Variants in NPAS4 observed in about 807,000 individuals in gnomAD.
NPAS4 encodes neuronal PAS domain-containing protein 4.
In NPAS4, 10 loss-of-function variants were observed where a neutral mutation model predicts 64.0. The ratio of observed to expected loss-of-function variants is 0.16; its 90% CI spans 0.10 to 0.26. The LOEUF (loss-of-function observed/expected upper bound fraction) is 0.26. NPAS4 is among the 10% of genes least tolerant of loss of function. The pLI, the probability that NPAS4 is intolerant of heterozygous loss-of-function variation, is 1.00. For synonymous variants in NPAS4, 441 were observed against 411.7 expected (o/e 1.07, Z -0.86); for missense variants, 886 against 992.6 (o/e 0.89, Z 1.44).
upstream of NPAS4, among the ~76,000 whole-genome samples, chr11:66,416,093 C>T (rs1254541248): frequency 6.6e-6 from 1 of 152,188 alleles, no homozygotes; most frequent in Non-Finnish European, 1.5e-5. Context: ...CAGAGCAAGA[C>T]TGTATATAAA....
chr11:66,411,704 CTCACCATGGT>C, the NPAS4 span, among the ~76,000 whole-genome samples: 1 of 152,226 alleles, frequency 6.6e-6, no homozygotes, highest in Non-Finnish European at 1.5e-5. Flanking sequence ...CTCTCCCCTG[CTCACCATGGT>C]TCACCCAACT....
rs772010254 is a variant in NPAS4, at chr11:66,423,910, G to A, written c.1020G>A (p.Pro340=). 2 of 1,614,056 alleles carry A rather than the reference G, an allele frequency of 1.2e-6. No individual in the cohort carries two copies. Among genetic ancestry groups the A allele is most frequent in the South Asian group, 2.2e-5 (2 of 91,076 alleles). The part of the protein sequence containing the change: ...DTQAAYVLGT[P]TMLPSFPENI... ...AGGCAGCTTATGTCCTGGGCACTCCGACCATGCTGCCCTCATTCCCTGAAA... is the reference window on the plus strand; with the variant it reads ...AGGCAGCTTATGTCCTGGGCACTCCAACCATGCTGCCCTCATTCCCTGAAA... Residue 340 remains proline (P), a synonymous_variant, in exon 7 of 8, where the codon CCG becomes CCA. Transcript: ENST00000311034.
At chr11:66,416,754 C>G (rs1046861136), upstream of NPAS4, 3 of 152,346 alleles carry the variant, frequency 2.0e-5, no homozygotes, top group African/African-American at 7.2e-5. Flanking sequence ...TGTCTCTCCC[C>G]ACTTCCCTTC....
chr11:66,422,063 A>T, intron 1 of NPAS4, 57 bp from the exon 2 acceptor site: 1 of 1,509,408 alleles, frequency 6.6e-7, no homozygotes, highest in Non-Finnish European at 9.1e-7. Context: ...TGCCTTCCTC[A>T]CTTCTTCTCT....
chr11:66,424,235 C>T lies in NPAS4; in HGVS notation c.1345C>T (p.Pro449Ser), dbSNP rs540887345. The T allele has an allele frequency of 3.1e-6, 5 of 1,614,014 alleles. No individual in the cohort carries two copies. Among genetic ancestry groups the T allele is most frequent in the East Asian group, 2.2e-5 (1 of 44,872 alleles). Reference sequence around the variant, plus strand: ...CCATGAGCCCTTCCAGACCCATTTGCCCACCCCATCCAGCACTCTTCAAGA... The same window carrying T: ...CCATGAGCCCTTCCAGACCCATTTGTCCACCCCATCCAGCACTCTTCAAGA... The part of the protein sequence containing the change: ...SLHEPFQTHL[P>S]TPSSTLQEQL... The change falls in exon 7 of 8, where the codon CCC becomes TCC. Residue 449 changes from proline to serine, a missense_variant. By Grantham distance (74) the Pro-to-Ser change is moderately conservative. Around this residue, in one of 3 missense-constraint regions of NPAS4, gnomAD observed 820 missense variants for 855.5 expected, o/e 0.96. Transcript: ENST00000311034.
rs1351819753 is a variant in NPAS4 at position 66,422,177 on chromosome 11, T to C, written c.233T>C (p.Val78Ala). ...TCAGCTCAAGAGCTTGAGGACATCG[T>C]AGCGGCACTACCCGGCTTTCTGCTT... Reference protein sequence around the residue: ...LLSAQELEDIVAALPGFLLVF... With the variant: ...LLSAQELEDIAAALPGFLLVF... The change falls in exon 2 of 8, where the codon GTA becomes GCA. Residue 78 changes from valine (V) to alanine (A), a missense_variant. Transcript: ENST00000311034. 1 of 1,613,962 alleles carries C rather than the reference T, an allele frequency of 6.2e-7. No homozygotes were observed. Among genetic ancestry groups the C allele is most frequent in the Non-Finnish European group, 8.5e-7 (1 of 1,180,004 alleles).
intron 5 of NPAS4, 165 bp downstream of exon 5, chr11:66,423,397 C>A: frequency 1.2e-6 from 1 of 828,382 alleles, no homozygotes; most frequent in Non-Finnish European, 2.0e-6. Flanking sequence ...AGGCAATAAT[C>A]AAATCAGAAC....
At chr11:66,411,997 G>A in the NPAS4 span, among the ~76,000 whole-genome samples, 1 of 152,202 alleles carries the variant, frequency 6.6e-6, no homozygotes, top group Admixed American at 6.5e-5. Context: ...GGTGTGGGTA[G>A]GTGCCTCATC....
Position 66,426,146 on chromosome 11 carries a change from G to GGGT in NPAS4, c.*157_*158insGGT. ...CAGGATTTTGGGGGGGGGGAGGTGG[G>GGGT]AGGGCAAGGGAGGGGAGCTTCTTTT... is the stretch of plus-strand genomic sequence containing the variant. On this transcript the variant is annotated 3_prime_UTR_variant, in exon 8 of 8. Coordinates refer to ENST00000311034, the MANE Select transcript of NPAS4 (RefSeq NM_178864.4). 5.6e-6 allele frequency: 2 copies of GGGT among 359,454 alleles called. No homozygotes were observed. The highest frequency in any genetic ancestry group is 6.8e-5 in the East Asian group (1 of 14,740). 22.3% of individuals were successfully genotyped at this position (359,454 alleles called of 1,614,324 possible). A position where few individuals can be genotyped will look rare whatever the true frequency, so the allele number is the denominator to read the frequency against.
rs377483297 is a variant in NPAS4 at position 66,423,644 on chromosome 11, C to T, written c.875C>T (p.Ala292Val). Residue 292 changes from alanine to valine, a missense_variant, in exon 6 of 8, where the codon GCA becomes GTA. By Grantham distance (64) the Ala-to-Val change is moderately conservative. Transcript: ENST00000311034. Reference protein sequence around the residue: ...VRLQAKTGGWAWIYCLLYSEG... With the variant: ...VRLQAKTGGWVWIYCLLYSEG... ...CTACAGGCCAAGACTGGAGGCTGGG[C>T]ATGGATTTACTGCCTGTTATACTCA... 3.1e-4 allele frequency: 497 copies of T among 1,613,996 alleles called. No individual in the cohort carries two copies. The highest frequency in any genetic ancestry group is 1.5e-3 in the Middle Eastern group (9 of 6,062).
intron 5 of NPAS4, 91 bp from the exon 6 acceptor site, chr11:66,423,487 C>A: frequency 6.8e-7 from 1 of 1,475,684 alleles, no homozygotes; most frequent in South Asian, 1.2e-5. Context: ...GATGTCACGG[C>A]TATCTCAATT....
rs1856735709 is a variant in NPAS4, at chr11:66,421,202, C to T, written c.23C>T (p.Ala8Val). 6.2e-7 allele frequency: 1 copy of T among 1,611,766 alleles called. No homozygotes were observed. The change falls in exon 1 of 8, where the codon GCC becomes GTC. Residue 8 changes from alanine (A) to valine (V), a missense_variant. Physicochemically the swap from Ala to Val is moderately conservative, Grantham distance 64. Around this residue, in one of 3 missense-constraint regions of NPAS4, gnomAD observed 38 missense variants for 80.1 expected, o/e 0.47. Coordinates refer to ENST00000311034, the MANE Select transcript of NPAS4 (RefSeq NM_178864.4). MYRSTKG[A>V]SKARRDQINA... ...GTCATGTACCGCTCCACCAAGGGCG[C>T]CTCCAAGGCGCGCCGGGACCAGATC...
chr11:66,410,976 G>T, the NPAS4 span: 1 of 152,330 alleles, frequency 6.6e-6, no homozygotes, highest in African/African-American at 2.4e-5. Flanking sequence ...CTCCAATGGT[G>T]AGTCCCCTGG....
At position 66,422,668 on chromosome 11, in the gene NPAS4, A is replaced by G. The variant is rs113025811; in HGVS notation, c.431-6A>G. The G allele has an allele frequency of 8.2e-5, 132 of 1,613,338 alleles. No homozygotes were observed. In the African/African-American group the frequency reaches 1.7e-3, roughly 21 times the overall value. On this transcript the variant is annotated splice_polypyrimidine_tract_variant and splice_region_variant and intron_variant, in intron 3 of 7. Transcript: ENST00000311034. ...CTCTTATCTGTTTTTCTCTTCATCT[A>G]TCTAGATCGCCTCTTCCGCTGCCGC...
At chr11:66,420,509 C>T (rs1165714746), upstream of NPAS4, among the ~76,000 whole-genome samples, 1 of 152,230 alleles carries the variant, frequency 6.6e-6, no homozygotes, top group East Asian at 1.9e-4. Context: ...TGACCTGTCC[C>T]ACGGAGGCCA....
chr11:66,419,390 A>C, upstream of NPAS4, among the ~76,000 whole-genome samples: 2 of 151,564 alleles, frequency 1.3e-5, no homozygotes, highest in African/African-American at 4.9e-5. Flanking sequence ...TCTTACTACC[A>C]CCCCTTTCCA....
At position 66,423,560 on chromosome 11, in the gene NPAS4, C is replaced by T; in HGVS notation, c.809-18C>T. On this transcript the variant is annotated intron_variant, in intron 5 of 7. Transcript: ENST00000311034. Reference sequence around the variant, plus strand: ...TTGCCTGGTGGACATCCTAACTCTGCATCTTCTTTCTCCCCAGTGGCTGAG... The same window carrying T: ...TTGCCTGGTGGACATCCTAACTCTGTATCTTCTTTCTCCCCAGTGGCTGAG... The T allele has an allele frequency of 6.2e-7, 1 of 1,613,596 alleles. No homozygotes were observed. Among genetic ancestry groups the T allele is most frequent in the Non-Finnish European group, 8.5e-7 (1 of 1,179,916 alleles).
chr11:66,412,335 C>G, the NPAS4 span, among the ~76,000 whole-genome samples: 6 of 152,162 alleles, frequency 3.9e-5, no homozygotes, highest in Non-Finnish European at 7.3e-5. Flanking sequence ...TGCTGGGGCC[C>G]GAGCCAGAGC....
At chr11:66,425,327 G>A in intron 7 of NPAS4, 57 bp downstream of exon 7, 1 of 1,006,004 alleles carries the variant, frequency 9.9e-7, no homozygotes. Context: ...TGAAATGCTG[G>A]GTAGATTTAG....
Sources: gnomAD v4.1 joint callset for allele counts (sites outside exome capture counted in the v4.1 genomes callset) on GRCh38, gnomAD v4.1.1 for gene constraint, gnomAD v4.1.1 regional missense constraint, MANE v1.5 for transcripts, NCBI Gene and HGNC (gene_info 2026-07-23, HGNC 2026-07-21) for gene names.